The following MEF2C variants were observed in gnomAD, a reference collection of about 807,000 sequenced individuals.
The protein encoded by MEF2C is myocyte enhancer factor 2C.
Under a neutral mutation model 50.5 loss-of-function variants are expected in MEF2C, and 6 were observed. The observed-to-expected ratio is 0.12, with a 90% CI of 0.07 to 0.23. MEF2C has a LOEUF of 0.23. Ranked by LOEUF, MEF2C falls within the 10% of genes least tolerant of loss-of-function variation. MEF2C has a pLI of 1.00. For missense variants in MEF2C, 276 were observed against 605.0 expected (o/e 0.46, Z 5.70); for synonymous variants, 183 against 228.0 (o/e 0.80, Z 1.78).
chr5:88,856,541 C>CTATCA (rs1251351063), intron 1 of MEF2C, among the ~76,000 whole-genome samples: 3 of 152,192 alleles, frequency 2.0e-5, no homozygotes, highest in Non-Finnish European at 4.4e-5. Context: ...GCAGCCCTTC[C>CTATCA]TATCACAGGC....
At chr5:88,799,913 C>CACACACAGAG (rs1266169497) in intron 3 of MEF2C, among the ~76,000 whole-genome samples, 1 of 63,624 alleles carries the variant, frequency 1.6e-5, no homozygotes, top group African/African-American at 4.9e-5. Context: ...CACACACACA[C>CACACACAGAG]AGAGAGAGAG....
At chr5:88,838,121 T>A (rs1815904288) in intron 1 of MEF2C, among the ~76,000 whole-genome samples, 2 of 152,194 alleles carry the variant, frequency 1.3e-5, no homozygotes, top group African/African-American at 4.8e-5. Flanking sequence ...CATACTCTGT[T>A]ACTTCTCTAT....
At chr5:88,809,237 G>C (rs188500023) in intron 2 of MEF2C, among the ~76,000 whole-genome samples, 2 of 152,052 alleles carry the variant, frequency 1.3e-5, no homozygotes, top group East Asian at 1.9e-4. Context: ...AGGTGCGAAG[G>C]AAAAACAGAA....
chr5:88,804,586 A>G lies in MEF2C; in HGVS notation c.258+12T>C. 6.2e-7 allele frequency: 1 copy of G among 1,613,206 alleles called. No individual in the cohort carries two copies. Among genetic ancestry groups the G allele is most frequent in the Non-Finnish European group, 8.5e-7 (1 of 1,179,746 alleles). On this transcript the variant is annotated intron_variant, in intron 3 of 10. Coordinates refer to ENST00000504921, the MANE Select transcript of MEF2C (RefSeq NM_002397.5). ...TGCGGAGGCTTGGGGCTCACCACGC[A>G]TGCTCTCTCACCTCCACGATGTCTG...
intron 3 of MEF2C, among the ~76,000 whole-genome samples, chr5:88,800,560 C>CA (rs1470176593): frequency 1.3e-5 from 2 of 152,124 alleles, no homozygotes; most frequent in African/African-American, 4.8e-5. Context: ...TCCTGAAGTA[C>CA]TCAACAACCA....
intron 6 of MEF2C, chr5:88,741,080 A>AT (rs1362264082): frequency 1.0e-6 from 1 of 985,318 alleles, no homozygotes; most frequent in African/African-American, 1.7e-5. Flanking sequence ...CTGCTCTCAC[A>AT]TTCTGCTTCA....
chr5:88,801,698 C>T (rs765342663), intron 3 of MEF2C, among the ~76,000 whole-genome samples: 5 of 151,872 alleles, frequency 3.3e-5, no homozygotes, highest in African/African-American at 4.8e-5. Context: ...ATGTTAGCCC[C>T]GATGATCTTG....
chr5:88,767,449 A>G (rs1440870061), intron 3 of MEF2C, among the ~76,000 whole-genome samples: 1 of 152,216 alleles, frequency 6.6e-6, no homozygotes, highest in Non-Finnish European at 1.5e-5. Flanking sequence ...TATAATCAGC[A>G]GGTAGACTTT....
intron 2 of MEF2C, among the ~76,000 whole-genome samples, chr5:88,820,022 T>A (rs1807482833): frequency 6.6e-6 from 1 of 151,890 alleles, no homozygotes; most frequent in African/African-American, 2.4e-5. Flanking sequence ...ATTTCACAGA[T>A]AAATGAATTA....
At chr5:88,821,836 T>A (rs1202555321) in intron 2 of MEF2C, among the ~76,000 whole-genome samples, 1 of 151,722 alleles carries the variant, frequency 6.6e-6, no homozygotes, top group Non-Finnish European at 1.5e-5. Flanking sequence ...ATGAATAAGA[T>A]CTAGAATTTG....
intron 3 of MEF2C, among the ~76,000 whole-genome samples, chr5:88,799,913 CAGAGAGAGAG>C (rs60801087): frequency 7.9e-5 from 5 of 63,624 alleles, no homozygotes; most frequent in Non-Finnish European, 2.0e-4. Flanking sequence ...CACACACACA[CAGAGAGAGAG>C]ACACACATGT....
chr5:88,748,310 C>T (rs1770938502), intron 6 of MEF2C: 1 of 487,472 alleles, frequency 2.1e-6, no homozygotes, highest in Non-Finnish European at 2.7e-6. Context: ...CTGCCTCCTA[C>T]TATTTTAAAT....
chr5:88,829,844 C>T (rs1581310648), intron 1 of MEF2C, among the ~76,000 whole-genome samples: 1 of 152,012 alleles, frequency 6.6e-6, no homozygotes, highest in Non-Finnish European at 1.5e-5. Context: ...CTACCCATAA[C>T]TGGGAAAAAA....
intron 1 of MEF2C, chr5:88,843,533 T>C: frequency 2.1e-6 from 2 of 930,432 alleles, no homozygotes; most frequent in South Asian, 5.0e-5. Flanking sequence ...TCAAGTTTTA[T>C]ACCTTATTCA....
chr5:88,786,770 A>G (rs1368998309), intron 3 of MEF2C, among the ~76,000 whole-genome samples: 3 of 152,218 alleles, frequency 2.0e-5, no homozygotes, highest in Admixed American at 6.5e-5. Context: ...TTTAGTTTAA[A>G]TGGGAAAAAT....
In MEF2C at chr5:88,737,499, C is replaced by T. The variant is rs555816684; in HGVS notation, c.638-5598G>A. On this transcript the variant is annotated intron_variant, in intron 6 of 10. Coordinates refer to ENST00000504921, the MANE Select transcript of MEF2C (RefSeq NM_002397.5). ...TCTCTGATATTTTCTTCCACACTGACGAGTATTTGTTGCCACAGGTTGTCG... is the reference window on the plus strand; with the variant it reads ...TCTCTGATATTTTCTTCCACACTGATGAGTATTTGTTGCCACAGGTTGTCG... The T allele has an allele frequency of 2.5e-5, 25 of 985,360 alleles. No individual in the cohort carries two copies. In the East Asian group the frequency reaches 1.6e-3, roughly 63 times the overall value. 61.0% of individuals were successfully genotyped at this position (985,360 alleles called of 1,614,324 possible). A position where few individuals can be genotyped will look rare whatever the true frequency, so the allele number is the denominator to read the frequency against.
intron 1 of MEF2C, among the ~76,000 whole-genome samples, chr5:88,896,730 A>G (rs1442694145): frequency 6.6e-6 from 1 of 152,220 alleles, no homozygotes; most frequent in East Asian, 1.9e-4. Flanking sequence ...TACTAAAGTA[A>G]GAAACATTCT....
chr5:88,804,454 C>T lies in MEF2C; in HGVS notation c.258+144G>A, dbSNP rs1365481242. 11 of 668,634 alleles carry T rather than the reference C, an allele frequency of 1.6e-5. No homozygotes were observed. In the East Asian group the frequency reaches 1.6e-4, roughly 10 times the overall value. 41.4% of individuals were successfully genotyped at this position (668,634 alleles called of 1,614,324 possible). A position where few individuals can be genotyped will look rare whatever the true frequency, so the allele number is the denominator to read the frequency against. On this transcript the variant is annotated intron_variant, in intron 3 of 10. Transcript: ENST00000504921. ...GAGAGAAAAGGTGGAGTAAGAGTTGCGATAGATAATAATCCTGGGTCTATC... is the reference window on the plus strand; with the variant it reads ...GAGAGAAAAGGTGGAGTAAGAGTTGTGATAGATAATAATCCTGGGTCTATC...
chr5:88,818,188 A>T (rs1264767192), intron 2 of MEF2C, among the ~76,000 whole-genome samples: 2 of 152,044 alleles, frequency 1.3e-5, no homozygotes, highest in African/African-American at 4.8e-5. Flanking sequence ...ATATTAAAAC[A>T]TCACTGTGCA....
Sources: gnomAD v4.1 joint callset for allele counts (sites outside exome capture counted in the v4.1 genomes callset) on GRCh38, gnomAD v4.1.1 for gene constraint, MANE v1.5 for transcripts, NCBI Gene and HGNC (gene_info 2026-07-23, HGNC 2026-07-21) for gene names.